SAMSN1: variants seen among roughly 807,000 people sequenced by gnomAD.
The protein encoded by SAMSN1 is SAM domain, SH3 domain and nuclear localization signals 1.
In SAMSN1, 31 loss-of-function variants were observed where a neutral mutation model predicts 42.0. That is an observed-to-expected ratio of 0.74 (90% CI 0.55 to 1.00). SAMSN1 has a LOEUF of 1.00. Among genes scored for constraint, SAMSN1 ranks in the 50% least tolerant of loss-of-function variants. The pLI is 0.00. For synonymous variants in SAMSN1, 178 were observed against 151.9 expected, an observed-to-expected ratio of 1.17 and a Z score of -1.26; for missense variants, 464 against 439.4, an observed-to-expected ratio of 1.06 and a Z score of -0.50.
chr21:14,496,394 T>C (rs1259454937), intron 7 of SAMSN1: 1 of 152,238 alleles, frequency 6.6e-6, no homozygotes, highest in African/African-American at 2.4e-5. Context: ...GCAAAATACC[T>C]AGATGTGTGC....
chr21:14,591,672 G>A (rs1982090040), intron 7 of SAMSN1, among the ~76,000 whole-genome samples: 1 of 152,124 alleles, frequency 6.6e-6, no homozygotes, highest in South Asian at 2.1e-4. Flanking sequence ...GAAGAAATGT[G>A]CTTGGCTAGA....
rs142465840 is a variant in SAMSN1, at chr21:14,607,367, C to A, written c.322+2115G>T. Among the ~76,000 whole-genome samples, 15 of 152,228 alleles carry A rather than the reference C, an allele frequency of 9.9e-5. No homozygotes were observed. In the East Asian group the frequency reaches 2.9e-3, roughly 29 times the overall value. ...AGCCTTCCAAATGAAACCACTATAC[C>A]CATAAAATTTGAGCCTACAACTTGT... On this transcript the variant is annotated intron_variant, in intron 5 of 15. Coordinates refer to the SAMSN1 transcript ENST00000647101.
At chr21:14,489,353 C>T (rs967185412) in intron 7 of SAMSN1, among the ~76,000 whole-genome samples, 2 of 151,818 alleles carry the variant, frequency 1.3e-5, no homozygotes, top group Admixed American at 1.3e-4. Flanking sequence ...AAAAAGTATA[C>T]ATAATTCATG....
chr21:14,518,715 T>C (rs1488197150), intron 2 of SAMSN1, among the ~76,000 whole-genome samples: 1 of 152,216 alleles, frequency 6.6e-6, no homozygotes, highest in Non-Finnish European at 1.5e-5. Flanking sequence ...CTATGATAAA[T>C]ATGAATGGAC....
chr21:14,579,910 A>G (rs1443919332), intron 2 of SAMSN1, among the ~76,000 whole-genome samples: 1 of 152,334 alleles, frequency 6.6e-6, no homozygotes, highest in East Asian at 1.9e-4. Context: ...GTTAAGTTCC[A>G]TGAAGATGAG....
At chr21:14,526,978 C>T (rs1978903258) in intron 1 of SAMSN1, among the ~76,000 whole-genome samples, 1 of 152,174 alleles carries the variant, frequency 6.6e-6, no homozygotes, top group African/African-American at 2.4e-5. Flanking sequence ...TCCAGCATGA[C>T]TTAATATTTG....
In SAMSN1 at chr21:14,578,859, A is replaced by G. The variant is rs1001771476; in HGVS notation, c.261+3277T>C. Among the ~76,000 whole-genome samples, 3 of 151,824 alleles carry G rather than the reference A, an allele frequency of 2.0e-5. No homozygotes were observed. The East Asian group carries it at 5.8e-4, about 29-fold the overall frequency. On this transcript the variant is annotated intron_variant, in intron 2 of 8. Coordinates refer to the SAMSN1 transcript ENST00000285670. ...CGTATATTTTTAAAAATATAATCAC[A>G]CTCTTACCCTTTTAAATTGCAAAAA...
intron 2 of SAMSN1, among the ~76,000 whole-genome samples, chr21:14,618,705 C>CGTGT (rs1568832903): frequency 5.0e-5 from 5 of 100,514 alleles, no homozygotes; most frequent in South Asian, 5.9e-4. Flanking sequence ...CGCGCGCGCA[C>CGTGT]GCGCGTGTGT....
chr21:14,527,067 T>C (rs1474810775), intron 1 of SAMSN1, among the ~76,000 whole-genome samples: 1 of 152,224 alleles, frequency 6.6e-6, no homozygotes. Context: ...TCTGCAGTAC[T>C]TTGAAATATA....
At chr21:14,529,663 G>A (rs1460007455) in intron 1 of SAMSN1, among the ~76,000 whole-genome samples, 2 of 152,000 alleles carry the variant, frequency 1.3e-5, no homozygotes, top group African/African-American at 4.8e-5. Flanking sequence ...CAAACCATAA[G>A]AGCTAAATAG....
At chr21:14,587,766 T>TA (rs1981964432), upstream of SAMSN1, among the ~76,000 whole-genome samples, 6 of 149,802 alleles carry the variant, frequency 4.0e-5, no homozygotes, top group South Asian at 4.2e-4. Context: ...TTTATTTATT[T>TA]TTTAAATTTT....
At chr21:14,575,673 C>T (rs970836282) in intron 2 of SAMSN1, among the ~76,000 whole-genome samples, 1 of 152,126 alleles carries the variant, frequency 6.6e-6, no homozygotes, top group East Asian at 1.9e-4. Flanking sequence ...TGTGAGCTTT[C>T]TTCTTAGTAT....
chr21:14,573,187 G>A (rs1981355497), intron 2 of SAMSN1, among the ~76,000 whole-genome samples: 1 of 152,186 alleles, frequency 6.6e-6, no homozygotes. Flanking sequence ...AAAAGCAGAT[G>A]TCTCTCTCCA....
rs139641774 is a variant in SAMSN1, at chr21:14,490,806, G to T, written c.920-4692C>A. Among the ~76,000 whole-genome samples, 8 of 152,032 alleles carry T rather than the reference G, an allele frequency of 5.3e-5. No individual in the cohort carries two copies. In the East Asian group the frequency reaches 1.5e-3, roughly 29 times the overall value. ...CTTGCATATCTCTTTTTGGAGCCTA[G>T]CTTCTAACGAGATGTGTACCTGGAA... On this transcript the variant is annotated intron_variant, in intron 7 of 7. Transcript: ENST00000400566.
At chr21:14,512,328 T>G in intron 4 of SAMSN1, 116 bp downstream of exon 4, 1 of 1,028,734 alleles carries the variant, frequency 9.7e-7, no homozygotes. Context: ...TCTTACATTT[T>G]TACCATTTCT....
chr21:14,488,032 G>A (rs1002103527), intron 7 of SAMSN1, among the ~76,000 whole-genome samples: 2 of 151,668 alleles, frequency 1.3e-5, no homozygotes, highest in Non-Finnish European at 2.9e-5. Context: ...ACTAAAATGG[G>A]ACCTCATTCT....
At chr21:14,606,858 T>C in intron 5 of SAMSN1, among the ~76,000 whole-genome samples, 1 of 152,168 alleles carries the variant, frequency 6.6e-6, no homozygotes, top group East Asian at 1.9e-4. Flanking sequence ...TATAGTACAG[T>C]CATGTTGTTG....
At chr21:14,648,463 AC>A (rs1315684893) in intron 1 of SAMSN1, among the ~76,000 whole-genome samples, 1 of 152,226 alleles carries the variant, frequency 6.6e-6, no homozygotes, top group African/African-American at 2.4e-5. Flanking sequence ...AAAAGAAACT[AC>A]CATCAGAGTA....
At chr21:14,638,690 T>C (rs1436730277) in intron 2 of SAMSN1, among the ~76,000 whole-genome samples, 2 of 152,246 alleles carry the variant, frequency 1.3e-5, no homozygotes, top group Admixed American at 6.5e-5. Context: ...TGCTAAATCC[T>C]GCCTGCTTCT....
Sources: allele counts gnomAD v4.1 joint callset (sites outside exome capture counted in the v4.1 genomes callset), GRCh38; gene constraint gnomAD v4.1.1; transcripts MANE v1.5; gene names NCBI Gene and HGNC (gene_info 2026-07-23, HGNC 2026-07-21).